PTPRM: variants seen among roughly 807,000 people sequenced by gnomAD.
The protein encoded by PTPRM is protein tyrosine phosphatase receptor type M.
A neutral mutation model predicts 186.7 loss-of-function variants in PTPRM; 47 were observed. That is an observed-to-expected ratio of 0.25 (90% CI 0.20 to 0.32). The LOEUF (loss-of-function observed/expected upper bound fraction) is 0.32, where lower values mean the gene tolerates loss of function less well. Ranked by LOEUF, PTPRM falls within the 10% of genes least tolerant of loss-of-function variation. The pLI is 1.00. For missense variants in PTPRM, 1,494 were observed against 1,865.0 expected (o/e 0.80, Z 3.66); for synonymous variants, 668 against 674.9 (o/e 0.99, Z 0.16).
chr18:7,676,539 A>C (rs1364602027), intron 1 of PTPRM, among the ~76,000 whole-genome samples: 2 of 152,006 alleles, frequency 1.3e-5, no homozygotes, highest in Admixed American at 1.3e-4. Flanking sequence ...AACCTCACCA[A>C]AATTTTATGT....
intron 11 of PTPRM, among the ~76,000 whole-genome samples, chr18:8,107,163 G>T (rs577461104): frequency 1.1e-4 from 17 of 152,248 alleles, no homozygotes; most frequent in Admixed American, 2.6e-4. Flanking sequence ...ATGAAATTGA[G>T]ATGATTAAAT....
At chr18:8,080,548 C>T (rs922653172) in intron 9 of PTPRM, among the ~76,000 whole-genome samples, 24 of 152,128 alleles carry the variant, frequency 1.6e-4, no homozygotes, top group African/African-American at 5.8e-4. Flanking sequence ...TGGTTGGGCA[C>T]TTTAATCAAG....
At chr18:8,019,491 C>T (rs540004187) in intron 7 of PTPRM, among the ~76,000 whole-genome samples, 14 of 152,176 alleles carry the variant, frequency 9.2e-5, no homozygotes, top group Admixed American at 9.2e-4. Context: ...GTCATTATTT[C>T]TTATAATTTC....
chr18:8,380,155 C>T (rs2095723425), intron 28 of PTPRM, 141 bp from the exon 29 acceptor site: 4 of 832,726 alleles, frequency 4.8e-6, no homozygotes, highest in Middle Eastern at 6.0e-4. Context: ...TATGTTGGTG[C>T]TGACAATGGT....
intron 7 of PTPRM, among the ~76,000 whole-genome samples, chr18:8,027,834 T>A (rs1328597185): frequency 6.6e-6 from 1 of 152,160 alleles, no homozygotes. Context: ...AGAAGTAGAA[T>A]TTATCACTGG....
At chr18:7,573,259 G>C (rs1484679304) in intron 1 of PTPRM, among the ~76,000 whole-genome samples, 2 of 152,210 alleles carry the variant, frequency 1.3e-5, no homozygotes, top group African/African-American at 4.8e-5. Context: ...GAAACACATG[G>C]AAAGTTGAAG....
At chr18:7,864,251 T>G (rs556862598) in intron 2 of PTPRM, among the ~76,000 whole-genome samples, 4 of 152,268 alleles carry the variant, frequency 2.6e-5, no homozygotes, top group Non-Finnish European at 5.9e-5. Flanking sequence ...TTTTGGTGTT[T>G]TAGTCATGAA....
intron 7 of PTPRM, chr18:7,995,863 AT>A: frequency 6.6e-6 from 1 of 152,096 alleles, no homozygotes; most frequent in Admixed American, 6.6e-5. Context: ...TAGCAGGCAA[AT>A]TGTTTTGAGA....
chr18:7,936,292 G>A (rs1055898547), intron 5 of PTPRM, among the ~76,000 whole-genome samples: 1 of 152,194 alleles, frequency 6.6e-6, no homozygotes, highest in Non-Finnish European at 1.5e-5. Context: ...CCCAGCCACG[G>A]CTGTGGACCT....
intron 3 of PTPRM, among the ~76,000 whole-genome samples, chr18:7,888,879 A>G (rs2048918158): frequency 6.6e-6 from 1 of 152,206 alleles, no homozygotes; most frequent in South Asian, 2.1e-4. Flanking sequence ...AGAAAACCAA[A>G]TGCTGCATGT....
intron 7 of PTPRM, among the ~76,000 whole-genome samples, chr18:8,021,002 G>A (rs555862707): frequency 6.6e-6 from 1 of 152,192 alleles, no homozygotes; most frequent in Admixed American, 6.5e-5. Flanking sequence ...ATTGGGACTT[G>A]GTTGTAACTA....
chr18:8,276,581 A>T (rs1173789546), intron 19 of PTPRM, among the ~76,000 whole-genome samples: 1 of 152,114 alleles, frequency 6.6e-6, no homozygotes, highest in Non-Finnish European at 1.5e-5. Context: ...TCCATGTGTG[A>T]TCTCATTTAA....
chr18:8,044,827 G>C (rs1039164543), intron 7 of PTPRM, among the ~76,000 whole-genome samples: 6 of 151,210 alleles, frequency 4.0e-5, no homozygotes, highest in African/African-American at 1.5e-4. Context: ...ATACCCACTA[G>C]GATTTCTATA....
chr18:7,736,679 G>A (rs912338375), intron 1 of PTPRM, among the ~76,000 whole-genome samples: 8 of 152,172 alleles, frequency 5.3e-5, no homozygotes, highest in African/African-American at 1.7e-4. Flanking sequence ...TGCATGCTCT[G>A]GTGGTCAGAG....
chr18:8,057,067 T>G (rs2088023817), intron 7 of PTPRM, among the ~76,000 whole-genome samples: 1 of 151,164 alleles, frequency 6.6e-6, no homozygotes, highest in African/African-American at 2.4e-5. Flanking sequence ...GAATGAAATC[T>G]CATGTTGCAA....
At chr18:8,176,133 A>G (rs1052715031) in intron 14 of PTPRM, among the ~76,000 whole-genome samples, 3 of 152,188 alleles carry the variant, frequency 2.0e-5, no homozygotes, top group Non-Finnish European at 4.4e-5. Context: ...TTATATTGTT[A>G]ATAGTTTCCT....
intron 2 of PTPRM, among the ~76,000 whole-genome samples, chr18:7,831,178 T>A (rs1424946563): frequency 6.6e-6 from 1 of 152,198 alleles, no homozygotes; most frequent in African/African-American, 2.4e-5. Flanking sequence ...AGGGCTAGAT[T>A]GCAGTTCTTA....
chr18:8,376,145 C>T lies in PTPRM; in HGVS notation c.3271C>T (p.Arg1091Trp), dbSNP rs868795801. ...YHATGLLGFV[R>W]QVKSKSPPSA... Reference sequence around the variant, plus strand: ...TGCCACCGGCCTGCTGGGATTCGTGCGGCAAGTCAAGTCCAAGAGCCCGCC... The same window carrying T: ...TGCCACCGGCCTGCTGGGATTCGTGTGGCAAGTCAAGTCCAAGAGCCCGCC... Residue 1091 changes from arginine (R) to tryptophan (W), a missense_variant, in exon 25 of 33, where the codon CGG becomes TGG. This residue lies in a region of PTPRM where 1,107 missense variants were observed against 1,350.2 expected (regional missense o/e 0.82). Coordinates refer to ENST00000580170, the MANE Select transcript of PTPRM (RefSeq NM_001105244.2). 19 of 1,613,752 alleles carry T rather than the reference C, an allele frequency of 1.2e-5. No homozygotes were observed. Among genetic ancestry groups the T allele is most frequent in the East Asian group, 4.5e-5 (2 of 44,874 alleles).
chr18:8,164,889 A>C (rs548371971), intron 14 of PTPRM, among the ~76,000 whole-genome samples: 2 of 56,070 alleles, frequency 3.6e-5, no homozygotes, highest in Admixed American at 5.4e-4. Flanking sequence ...TTCTAAGGCC[A>C]GGCGCAGTGG....
Sources: allele counts gnomAD v4.1 joint callset (sites outside exome capture counted in the v4.1 genomes callset), GRCh38; gene constraint gnomAD v4.1.1; regional missense constraint gnomAD v4.1.1; transcripts MANE v1.5; gene names NCBI Gene and HGNC (gene_info 2026-07-23, HGNC 2026-07-21).